The following DECR1 variants were observed in gnomAD, a reference collection of about 807,000 sequenced individuals.
DECR1 encodes the protein 2,4-dienoyl-CoA reductase 1.
In DECR1, 44 loss-of-function variants were observed where a neutral mutation model predicts 38.8. The observed-to-expected ratio is 1.13, with a 90% CI of 0.89 to 1.46. DECR1 has a LOEUF of 1.46. Ranked by LOEUF, DECR1 falls within the 40% of genes most tolerant of loss-of-function variation. The probability of loss-of-function intolerance (pLI) is 0.00; values close to 1 mark genes in which losing one functional copy is unlikely to be tolerated. For missense variants in DECR1, 428 were observed against 405.5 expected (o/e 1.06, Z -0.48); for synonymous variants, 148 against 135.2 (o/e 1.09, Z -0.66).
intron 6 of DECR1, among the ~76,000 whole-genome samples, chr8:90,040,865 G>A (rs1430151986): frequency 2.0e-5 from 3 of 152,126 alleles, no homozygotes; most frequent in Non-Finnish European, 4.4e-5. Flanking sequence ...TCTTTATCCA[G>A]TCTATCATTG....
intron 1 of DECR1, among the ~76,000 whole-genome samples, chr8:90,011,397 C>A (rs1396798420): frequency 6.6e-6 from 1 of 152,176 alleles, no homozygotes; most frequent in Admixed American, 6.5e-5. Flanking sequence ...CTTTCTATTA[C>A]AAACAATTCT....
chr8:90,050,897 C>G (rs1325979057), intron 8 of DECR1, among the ~76,000 whole-genome samples: 1 of 152,052 alleles, frequency 6.6e-6, no homozygotes, highest in Non-Finnish European at 1.5e-5. Context: ...AGCTGGAAAC[C>G]ATGATTCTGA....
intron 7 of DECR1, 44 bp from the exon 8 acceptor site, chr8:90,044,805 A>G (rs1223431192): frequency 1.9e-6 from 3 of 1,572,154 alleles, no homozygotes; most frequent in Admixed American, 1.9e-5. Context: ...AAAGGAATTG[A>G]TTGAAAAACC....
Position 90,042,807 on chromosome 8 carries a change from T to G in DECR1, c.738+7T>G. The G allele has an allele frequency of 2.5e-6, 4 of 1,608,740 alleles. No individual in the cohort carries two copies. The highest frequency in any genetic ancestry group is 2.6e-6 in the Non-Finnish European group (3 of 1,175,294). On this transcript the variant is annotated splice_region_variant and intron_variant, in intron 7 of 9. Transcript: ENST00000220764. The stretch of plus-strand genomic sequence containing the variant: ...AGGGCCTATAAAAACCAAAGTAAGT[T>G]GTATTTTGCTTGTTATCACATTGTG...
intron 1 of DECR1, among the ~76,000 whole-genome samples, chr8:90,007,106 A>G (rs1482466920): frequency 6.6e-6 from 1 of 152,108 alleles, no homozygotes; most frequent in Non-Finnish European, 1.5e-5. Context: ...CTGGGTTTCA[A>G]TGATGAATGT....
At chr8:90,012,410 C>T (rs900737548) in intron 1 of DECR1, among the ~76,000 whole-genome samples, 3 of 152,066 alleles carry the variant, frequency 2.0e-5, no homozygotes, top group Non-Finnish European at 4.4e-5. Context: ...GCCTCGGCCT[C>T]CCAAAGTGCT....
chr8:90,004,769 G>A (rs571291084), intron 1 of DECR1, among the ~76,000 whole-genome samples: 31 of 152,330 alleles, frequency 2.0e-4, no homozygotes, highest in Middle Eastern at 3.4e-3. Context: ...ACCTAGAACA[G>A]TGCTTAGCAT....
chr8:90,019,203 A>G, intron 4 of DECR1, 31 bp downstream of exon 4: 1 of 1,554,702 alleles, frequency 6.4e-7, no homozygotes, highest in East Asian at 2.2e-5. Context: ...GCCAAAGTGC[A>G]AGACACTTGA....
intron 8 of DECR1, among the ~76,000 whole-genome samples, chr8:90,048,150 C>T (rs1043193287): frequency 7.9e-5 from 12 of 152,044 alleles, no homozygotes; most frequent in African/African-American, 2.9e-4. Flanking sequence ...CAAACACATT[C>T]AAAAGCTAGC....
At chr8:90,019,416 G>C (rs182724541) in intron 4 of DECR1, among the ~76,000 whole-genome samples, 2 of 152,194 alleles carry the variant, frequency 1.3e-5, no homozygotes, top group Non-Finnish European at 2.9e-5. Flanking sequence ...CTTCAGAGCA[G>C]GGCAACACCA....
rs1813627897 is a variant in DECR1, at chr8:90,036,838, C to T, written c.566-3C>T. ...AATCAACTGTATCCTTTTAAAATTT[C>T]AGGAGCAGCATTTCTTTCTATTACT... On this transcript the variant is annotated splice_region_variant and splice_polypyrimidine_tract_variant and intron_variant, in intron 5 of 9. Coordinates refer to ENST00000220764, the MANE Select transcript of DECR1 (RefSeq NM_001359.2). 6.2e-7 allele frequency: 1 copy of T among 1,605,900 alleles called. No individual in the cohort carries two copies. Among genetic ancestry groups the T allele is most frequent in the South Asian group, 1.1e-5 (1 of 90,436 alleles).
chr8:90,021,698 T>A (rs1448833133), intron 5 of DECR1, among the ~76,000 whole-genome samples: 1 of 152,114 alleles, frequency 6.6e-6, no homozygotes, highest in Non-Finnish European at 1.5e-5. Context: ...GGTGGCTAGA[T>A]TGCATGGGAG....
At chr8:90,038,260 A>T (rs1473385799) in intron 6 of DECR1, among the ~76,000 whole-genome samples, 1 of 151,954 alleles carries the variant, frequency 6.6e-6, no homozygotes, top group Admixed American at 6.6e-5. Context: ...TGGCTGAGTT[A>T]TATTGTTGTT....
intron 5 of DECR1, among the ~76,000 whole-genome samples, chr8:90,022,300 C>CTTG (rs1202330490): frequency 6.6e-6 from 1 of 152,094 alleles, no homozygotes; most frequent in Non-Finnish European, 1.5e-5. Flanking sequence ...CTAGAACCAG[C>CTTG]TTGAGATACG....
chr8:90,016,498 G>A (rs183365550), intron 1 of DECR1, among the ~76,000 whole-genome samples: 102 of 152,168 alleles, frequency 6.7e-4, no homozygotes, highest in African/African-American at 2.4e-3. Flanking sequence ...TAACGGCGTG[G>A]TGGTGTGTGC....
At position 90,021,005 on chromosome 8, in the gene DECR1, A is replaced by T; in HGVS notation, c.514A>T (p.Thr172Ser). ...CATAACTGACATAGTTCTAAATGGC[A>T]CAGCCTTCGTGACACTAGAAATTGG... Reference protein sequence around the residue: ...KTITDIVLNGTAFVTLEIGKQ... With the variant: ...KTITDIVLNGSAFVTLEIGKQ... The change falls in exon 5 of 10, where the codon ACA becomes TCA. Residue 172 changes from threonine (T) to serine (S), a missense_variant. Coordinates refer to ENST00000220764, the MANE Select transcript of DECR1 (RefSeq NM_001359.2). The T allele has an allele frequency of 6.3e-7, 1 of 1,596,944 alleles. No individual in the cohort carries two copies. Among genetic ancestry groups the T allele is most frequent in the Non-Finnish European group, 8.5e-7 (1 of 1,174,034 alleles).
intron 5 of DECR1, among the ~76,000 whole-genome samples, chr8:90,025,532 T>C (rs1255803715): frequency 6.6e-6 from 1 of 152,250 alleles, no homozygotes; most frequent in African/African-American, 2.4e-5. Flanking sequence ...TTGTCTGTTA[T>C]TGCTGTATAG....
chr8:90,015,173 AC>A (rs1383579324), intron 1 of DECR1, among the ~76,000 whole-genome samples: 7 of 152,190 alleles, frequency 4.6e-5, no homozygotes, highest in Admixed American at 4.6e-4. Flanking sequence ...ACAAAAAAAA[AC>A]AAATAATTAT....
chr8:90,040,645 C>A (rs532933192), intron 6 of DECR1, among the ~76,000 whole-genome samples: 1 of 152,204 alleles, frequency 6.6e-6, no homozygotes, highest in Non-Finnish European at 1.5e-5. Context: ...CCTTGACAGA[C>A]CCAGTGTGTG....
Sources: gnomAD v4.1 joint callset for allele counts (sites outside exome capture counted in the v4.1 genomes callset) on GRCh38, gnomAD v4.1.1 for gene constraint, MANE v1.5 for transcripts, NCBI Gene and HGNC (gene_info 2026-07-23, HGNC 2026-07-21) for gene names.